The following CHN2 variants were observed in gnomAD, a reference collection of about 807,000 sequenced individuals.
The protein encoded by CHN2 is chimerin 2, also known as beta-chimaerin.
In CHN2, 35 loss-of-function variants were observed where a neutral mutation model predicts 56.3. That is an observed-to-expected ratio of 0.62 (90% confidence interval 0.47 to 0.82). The LOEUF (loss-of-function observed/expected upper bound fraction) is 0.82, where lower values mean the gene tolerates loss of function less well. Among genes scored for constraint, CHN2 ranks in the 40% least tolerant of loss-of-function variants. The pLI, the probability that CHN2 is intolerant of heterozygous loss-of-function variation, is 0.00. For synonymous variants in CHN2, 210 were observed against 212.8 expected (o/e 0.99, Z 0.12); for missense variants, 491 against 580.5 (o/e 0.85, Z 1.58).
At chr7:29,485,624 C>T (rs1406465030) in intron 7 of CHN2, among the ~76,000 whole-genome samples, 1 of 152,180 alleles carries the variant, frequency 6.6e-6, no homozygotes, top group Non-Finnish European at 1.5e-5. Context: ...AGAAAGAGCA[C>T]CCGGGCTATG....
At chr7:29,283,922 C>CTTTTTTTTTTTT (rs70980520) in intron 1 of CHN2, among the ~76,000 whole-genome samples, 2 of 70,002 alleles carry the variant, frequency 2.9e-5, no homozygotes, top group African/African-American at 1.3e-4. Flanking sequence ...CAGCCAAGCT[C>CTTTTTTTTTTTT]TTTTTTTTTT....
chr7:29,328,803 T>C (rs1795998023), intron 1 of CHN2, among the ~76,000 whole-genome samples: 1 of 152,140 alleles, frequency 6.6e-6, no homozygotes, highest in Admixed American at 6.5e-5. Flanking sequence ...ATGCTTACAA[T>C]AGCCTAAAAT....
intron 1 of CHN2, among the ~76,000 whole-genome samples, chr7:29,230,321 A>C (rs1786572271): frequency 6.6e-6 from 1 of 152,220 alleles, no homozygotes; most frequent in South Asian, 2.1e-4. Context: ...TAAATCTTTT[A>C]TAAAATAGTG....
intron 1 of CHN2, among the ~76,000 whole-genome samples, chr7:29,312,233 A>G (rs550842467): frequency 3.4e-4 from 10 of 29,706 alleles, no homozygotes; most frequent in African/African-American, 1.9e-3. Context: ...TATCTTTTCC[A>G]CTTTTTTTCT....
At chr7:29,221,163 G>A (rs1362562737) in intron 1 of CHN2, among the ~76,000 whole-genome samples, 1 of 151,972 alleles carries the variant, frequency 6.6e-6, no homozygotes, top group Non-Finnish European at 1.5e-5. Flanking sequence ...TCCGAGTTTG[G>A]GAACAAGAAA....
At chr7:29,315,597 G>A (rs1044308095) in intron 1 of CHN2, among the ~76,000 whole-genome samples, 1 of 152,270 alleles carries the variant, frequency 6.6e-6, no homozygotes. Context: ...TTCTGGAAAA[G>A]TGTCAAATAG....
At chr7:29,355,761 C>T (rs1798254820) in intron 2 of CHN2, among the ~76,000 whole-genome samples, 1 of 146,236 alleles carries the variant, frequency 6.8e-6, no homozygotes. Flanking sequence ...ACAACTCTCA[C>T]AGATGGGACT....
intron 1 of CHN2, among the ~76,000 whole-genome samples, chr7:29,259,518 T>G (rs770187348): frequency 2.0e-5 from 3 of 152,072 alleles, no homozygotes; most frequent in Non-Finnish European, 4.4e-5. Context: ...ATATTCATTA[T>G]ATATTCACTA....
chr7:29,311,930 A>C (rs892907274), intron 1 of CHN2, among the ~76,000 whole-genome samples: 1 of 152,234 alleles, frequency 6.6e-6, no homozygotes, highest in Admixed American at 6.5e-5. Context: ...CTAGAAGAAC[A>C]TGTCAAGGGC....
At chr7:29,309,382 C>T (rs1585025309) in intron 1 of CHN2, among the ~76,000 whole-genome samples, 1 of 152,108 alleles carries the variant, frequency 6.6e-6, no homozygotes, top group African/African-American at 2.4e-5. Flanking sequence ...AGATACCATC[C>T]TAACTCTTCC....
At chr7:29,216,225 A>G (rs544645530) in intron 1 of CHN2, among the ~76,000 whole-genome samples, 10 of 152,352 alleles carry the variant, frequency 6.6e-5, no homozygotes, top group South Asian at 4.1e-4. Context: ...TTCCAGAGAC[A>G]TGGAGACTCT....
At chr7:29,356,069 C>A (rs1212883655) in intron 2 of CHN2, among the ~76,000 whole-genome samples, 2 of 152,022 alleles carry the variant, frequency 1.3e-5, no homozygotes, top group African/African-American at 4.8e-5. Context: ...AGGCATCAGC[C>A]ACCACACCAG....
intron 8 of CHN2, among the ~76,000 whole-genome samples, chr7:29,498,767 T>C: frequency 6.9e-6 from 1 of 145,162 alleles, no homozygotes; most frequent in East Asian, 2.0e-4. Flanking sequence ...CCTTTTTTTT[T>C]TTTTTTTTTT....
intron 1 of CHN2, chr7:29,212,615 C>CAGCT: frequency 7.1e-7 from 1 of 1,406,754 alleles, no homozygotes; most frequent in East Asian, 2.3e-5. Flanking sequence ...TTCTTCCACC[C>CAGCT]AGCTGTGTGT....
At chr7:29,388,108 AGTAAT>A (rs1325415422) in intron 3 of CHN2, among the ~76,000 whole-genome samples, 2 of 152,198 alleles carry the variant, frequency 1.3e-5, no homozygotes, top group African/African-American at 4.8e-5. Flanking sequence ...TTCTGTGTAA[AGTAAT>A]GGAATATAGA....
At chr7:29,350,828 G>A (rs529985544) in intron 1 of CHN2, among the ~76,000 whole-genome samples, 8 of 152,258 alleles carry the variant, frequency 5.3e-5, no homozygotes, top group Admixed American at 3.9e-4. Context: ...CCCACAATGC[G>A]GCCGGGCGAG....
Position 29,194,952 on chromosome 7 carries a change from C to A in CHN2, c.11C>A (p.Ser4Tyr), listed in dbSNP as rs778793197. Residue 4 changes from serine (S) to tyrosine (Y), a missense_variant, in exon 1 of 13, where the codon TCC becomes TAC. Coordinates refer to ENST00000222792, the MANE Select transcript of CHN2 (RefSeq NM_004067.4). MAASSNSSLSGSSV... is the reference protein window; with the variant it reads MAAYSNSSLSGSSV... ...GAGGGGCGCGCGGAGATGGCAGCGT[C>A]CAGCAACTCCAGCCTGTCCGGCTCG... 2.7e-5 allele frequency: 42 copies of A among 1,575,608 alleles called. No homozygotes were observed. The highest frequency in any genetic ancestry group is 2.7e-5 in the Non-Finnish European group (32 of 1,164,242).
chr7:29,462,502 C>T (rs1053824622), intron 6 of CHN2, among the ~76,000 whole-genome samples: 8 of 152,158 alleles, frequency 5.3e-5, no homozygotes, highest in African/African-American at 1.9e-4. Flanking sequence ...AATCATTGGG[C>T]ATCTCCTTCA....
At chr7:29,324,754 G>A (rs1414984034) in intron 1 of CHN2, among the ~76,000 whole-genome samples, 1 of 152,018 alleles carries the variant, frequency 6.6e-6, no homozygotes, top group African/African-American at 2.4e-5. Flanking sequence ...GGTAATCCAA[G>A]CTTCTGGGCA....
Sources: allele counts gnomAD v4.1 joint callset (sites outside exome capture counted in the v4.1 genomes callset), GRCh38; gene constraint gnomAD v4.1.1; transcripts MANE v1.5; gene names NCBI Gene and HGNC (gene_info 2026-07-23, HGNC 2026-07-21).